Variants in SNX30 observed in about 807,000 individuals in gnomAD.
The protein encoded by SNX30 is sorting nexin-30.
SNX30 carries 24 observed loss-of-function variants against 46.4 expected under a neutral mutation model. That is an observed-to-expected ratio of 0.52 (90% CI 0.37 to 0.73). The LOEUF is 0.73. Among genes scored for constraint, SNX30 ranks in the 30% least tolerant of loss-of-function variants. The pLI is 0.00. For missense variants in SNX30, 533 were observed against 555.7 expected, an observed-to-expected ratio of 0.96 and a Z score of 0.41; for synonymous variants, 189 against 211.5, an observed-to-expected ratio of 0.89 and a Z score of 0.92.
At chr9:112,770,966 A>G (rs951205370) in intron 1 of SNX30, among the ~76,000 whole-genome samples, 7 of 152,248 alleles carry the variant, frequency 4.6e-5, no homozygotes, top group Non-Finnish European at 7.3e-5. Context: ...ACTGCACTCC[A>G]GCCTGGTGAC....
chr9:112,875,710 G>A (rs956162306), downstream of SNX30: 3 of 152,162 alleles, frequency 2.0e-5, no homozygotes, highest in Admixed American at 1.3e-4. Context: ...AAGGCTATTA[G>A]GATATTATCC....
chr9:112,841,639 C>T (rs1266112157), intron 6 of SNX30, among the ~76,000 whole-genome samples: 2 of 152,208 alleles, frequency 1.3e-5, no homozygotes, highest in African/African-American at 4.8e-5. Flanking sequence ...AATGTCTCTG[C>T]AGAGTGCCCT....
chr9:112,838,740 A>T (rs755108592), intron 6 of SNX30, 43 bp downstream of exon 6: 39 of 1,566,946 alleles, frequency 2.5e-5, no homozygotes, highest in Non-Finnish European at 3.4e-5. Flanking sequence ...CTTTCTTTGT[A>T]ATAGCAGTTA....
chr9:112,763,872 G>A (rs964304462), intron 1 of SNX30, among the ~76,000 whole-genome samples: 1 of 150,562 alleles, frequency 6.6e-6, no homozygotes. Flanking sequence ...AAAATTATTT[G>A]TTTAAATTTA....
downstream of SNX30, chr9:112,875,086 G>A (rs1175293404): frequency 1.3e-5 from 2 of 152,076 alleles, no homozygotes; most frequent in Non-Finnish European, 2.9e-5. Flanking sequence ...TTTTCAGTTT[G>A]CCTGTAAGAA....
chr9:112,811,878 A>G (rs1161309240), intron 2 of SNX30, among the ~76,000 whole-genome samples: 1 of 152,204 alleles, frequency 6.6e-6, no homozygotes, highest in African/African-American at 2.4e-5. Flanking sequence ...AGATAAATGT[A>G]TATTTTTAAA....
intron 4 of SNX30, among the ~76,000 whole-genome samples, chr9:112,832,828 TAATAA>T (rs1840688920): frequency 6.8e-6 from 1 of 146,302 alleles, no homozygotes; most frequent in Non-Finnish European, 1.5e-5. Context: ...TATTAATATA[TAATAA>T]ATATATTAAT....
At chr9:112,807,052 CTTTTTTTTTTTTTTTT>C (rs10554051) in intron 2 of SNX30, among the ~76,000 whole-genome samples, 2 of 63,030 alleles carry the variant, frequency 3.2e-5, no homozygotes, top group South Asian at 9.4e-4. Context: ...TCTTTTCTAT[CTTTTTTTTTTTTTTTT>C]TTTTTTTTTT....
chr9:112,750,889 A>G lies in SNX30; in HGVS notation c.-113A>G. On this transcript the variant is annotated 5_prime_UTR_variant, in exon 1 of 9. Coordinates refer to ENST00000374232, the MANE Select transcript of SNX30 (RefSeq NM_001012994.2). The stretch of plus-strand genomic sequence containing the variant: ...CGGCGGCCCCCAGCACGGCCGGTGC[A>G]AGGCCTCGGGTTAAGCGGCGGCCGA... The G allele has an allele frequency of 3.0e-6, 3 of 1,013,952 alleles. No homozygotes were observed. Among genetic ancestry groups the G allele is most frequent in the Non-Finnish European group, 2.4e-6 (2 of 829,520 alleles). The allele number at this position is 1,013,952 out of a possible 1,614,324, so 62.8% of individuals were successfully genotyped here.
rs773674338 is a variant in SNX30 at position 112,838,614 on chromosome 9, G to T, written c.931G>T (p.Ala311Ser). 203 of 1,614,086 alleles carry T rather than the reference G, an allele frequency of 1.3e-4. No homozygotes were observed. In the East Asian group the frequency reaches 4.3e-3, roughly 34 times the overall value. ...AGCTTGCATTGGGAACTGCTCTACA[G>T]CCTTAGAAGAGCTGACAGATGACAT... ...VSACIGNCST[A>S]LEELTDDMTE... Residue 311 changes from alanine (A) to serine (S), a missense_variant, in exon 6 of 9, where the codon GCC becomes TCC. Ala to Ser is a moderately conservative substitution (Grantham distance 99). Around this residue, in one of 3 missense-constraint regions of SNX30, gnomAD observed 261 missense variants for 270.9 expected, o/e 0.96. Transcript: ENST00000374232.
intron 6 of SNX30, among the ~76,000 whole-genome samples, chr9:112,843,626 C>CT (rs35950913): frequency 0.094 from 9,842 of 105,018 alleles, 697 homozygotes; most frequent in East Asian, 0.19. Context: ...CCTGCAGTAG[C>CT]TTTTTTTTTT....
chr9:112,819,559 G>A (rs751009859), intron 3 of SNX30, among the ~76,000 whole-genome samples: 10 of 151,974 alleles, frequency 6.6e-5, no homozygotes, highest in East Asian at 1.9e-4. Context: ...GAGCCACCAC[G>A]CCCGGCCCAA....
chr9:112,755,195 C>T (rs936080060), intron 1 of SNX30, among the ~76,000 whole-genome samples: 9 of 152,104 alleles, frequency 5.9e-5, no homozygotes, highest in African/African-American at 9.7e-5. Context: ...GAGAACTGGC[C>T]GCGAGGAAGA....
intron 4 of SNX30, among the ~76,000 whole-genome samples, chr9:112,834,843 A>AACACACAC (rs79118828): frequency 0.039 from 3,027 of 78,294 alleles, 48 homozygotes; most frequent in Middle Eastern, 0.064. Flanking sequence ...CACACACACA[A>AACACACAC]ACACACACAC....
At position 112,836,344 on chromosome 9, in the gene SNX30, A is replaced by G. The variant is rs1327200403; in HGVS notation, c.749A>G (p.Asp250Gly). Reference sequence around the variant, plus strand: ...TTTGCTGCCATAGGTGACTACTTAGATACATTTGCACTCAAACTGGGAACC... The same window carrying G: ...TTTGCTGCCATAGGTGACTACTTAGGTACATTTGCACTCAAACTGGGAACC... ...LEFAAIGDYL[D>G]TFALKLGTID... Residue 250 changes from aspartate to glycine, a missense_variant, in exon 5 of 9, where the codon GAT (aspartate) becomes GGT (glycine). Physicochemically the swap from Asp to Gly is moderately conservative, Grantham distance 94. Coordinates refer to ENST00000374232, the MANE Select transcript of SNX30 (RefSeq NM_001012994.2). 4 of 1,612,224 alleles carry G rather than the reference A, an allele frequency of 2.5e-6. No homozygotes were observed. Among genetic ancestry groups the G allele is most frequent in the Non-Finnish European group, 3.4e-6 (4 of 1,178,444 alleles).
At chr9:112,858,908 C>T (rs1841180704) in intron 7 of SNX30, among the ~76,000 whole-genome samples, 2 of 152,152 alleles carry the variant, frequency 1.3e-5, no homozygotes, top group South Asian at 2.1e-4. Context: ...ACCTTTCCCT[C>T]CATATATTTA....
chr9:112,858,810 C>T (rs1014886476), intron 7 of SNX30, among the ~76,000 whole-genome samples: 4 of 152,128 alleles, frequency 2.6e-5, no homozygotes, highest in Non-Finnish European at 2.9e-5. Context: ...TCTGCCTTCC[C>T]GAGTGACTTT....
intron 1 of SNX30, among the ~76,000 whole-genome samples, chr9:112,797,442 C>A (rs1274012103): frequency 1.3e-5 from 2 of 152,104 alleles, no homozygotes; most frequent in Non-Finnish European, 2.9e-5. Flanking sequence ...TCATTTATAT[C>A]CCCACCTACT....
intron 2 of SNX30, among the ~76,000 whole-genome samples, chr9:112,807,407 T>C (rs188438025): frequency 2.6e-5 from 4 of 152,282 alleles, no homozygotes; most frequent in Admixed American, 2.6e-4. Flanking sequence ...TGTAAAGATA[T>C]GTCTATGTAA....
Sources: allele counts gnomAD v4.1 joint callset (sites outside exome capture counted in the v4.1 genomes callset), GRCh38; gene constraint gnomAD v4.1.1; regional missense constraint gnomAD v4.1.1; transcripts MANE v1.5; gene names NCBI Gene and HGNC (gene_info 2026-07-23, HGNC 2026-07-21).